Variants in SMC1B observed in about 807,000 individuals in gnomAD.
SMC1B encodes the protein structural maintenance of chromosomes protein 1B.
In SMC1B, 60 loss-of-function variants were observed where a neutral mutation model predicts 157.9. That is an observed-to-expected ratio of 0.38 (90% confidence interval 0.31 to 0.47). The LOEUF is 0.47. Ranked by LOEUF, SMC1B falls within the 20% of genes least tolerant of loss-of-function variation. SMC1B has a pLI of 0.99. For synonymous variants in SMC1B, 445 were observed against 483.0 expected (o/e 0.92, Z 1.03); for missense variants, 1,165 against 1,426.2 (o/e 0.82, Z 2.95).
intron 11 of SMC1B, among the ~76,000 whole-genome samples, 167 bp downstream of exon 11, chr22:45,386,700 T>C (rs2086993072): frequency 2.6e-5 from 4 of 152,194 alleles, no homozygotes; most frequent in Admixed American, 2.6e-4. Context: ...CAACAGAACA[T>C]TATAAAAACC....
At position 45,371,511 on chromosome 22, in the gene SMC1B, C is replaced by T. The variant is rs9614653; in HGVS notation, c.2273G>A (p.Arg758Gln). The T allele has an allele frequency of 0.12, 196,475 of 1,591,606 alleles. 14,639 individuals are homozygous for T. Among genetic ancestry groups the T allele is most frequent in the East Asian group, 0.31 (13,505 of 43,856 alleles). The change falls in exon 14 of 25, where the codon CGA becomes CAA. Residue 758 changes from arginine (R) to glutamine (Q), a missense_variant. Physicochemically the swap from Arg to Gln is conservative, Grantham distance 43 (BLOSUM62 1). Coordinates refer to ENST00000357450, the MANE Select transcript of SMC1B (RefSeq NM_148674.5). ...CIMLSEGIKE[R>Q]QRRIKEFQEK... ...TTGAAATTCTTTAATTCTTCGTTGT[C>T]GTTCCTTGATTCCTTCACTCAACAT...
chr22:45,386,779 T>G, intron 11 of SMC1B, 88 bp downstream of exon 11: 1 of 1,186,362 alleles, frequency 8.4e-7, no homozygotes, highest in Non-Finnish European at 1.2e-6. Flanking sequence ...AAAACGCATA[T>G]GTAAATATTT....
intron 9 of SMC1B, 126 bp from the exon 10 acceptor site, chr22:45,390,023 T>G (rs2087039599): frequency 1.4e-6 from 1 of 728,398 alleles, no homozygotes; most frequent in Non-Finnish European, 2.2e-6. Flanking sequence ...TACATCATAA[T>G]TAATAGAGTT....
At chr22:45,395,429 C>T (rs1434466095) in intron 7 of SMC1B, among the ~76,000 whole-genome samples, 1 of 152,228 alleles carries the variant, frequency 6.6e-6, no homozygotes, top group Non-Finnish European at 1.5e-5. Flanking sequence ...ATTCAACCAA[C>T]ACTTATTGAC....
chr22:45,389,982 C>T (rs1389244377), intron 9 of SMC1B, 85 bp from the exon 10 acceptor site: 18 of 1,164,652 alleles, frequency 1.5e-5, no homozygotes, highest in African/African-American at 3.1e-5. Flanking sequence ...AACAAAGTAG[C>T]GCAGACAAAA....
intron 1 of SMC1B, among the ~76,000 whole-genome samples, chr22:45,410,176 G>A (rs1423664951): frequency 6.6e-6 from 1 of 152,162 alleles, no homozygotes; most frequent in Non-Finnish European, 1.5e-5. Context: ...TTTTTTCACT[G>A]TAATAAATAA....
intron 1 of SMC1B, among the ~76,000 whole-genome samples, chr22:45,413,194 T>C (rs1407088269): frequency 6.8e-6 from 1 of 146,306 alleles, no homozygotes; most frequent in Non-Finnish European, 1.5e-5. Flanking sequence ...CGGGGCCGAG[T>C]GGAAGGGTCA....
Position 45,361,831 on chromosome 22 carries a change from T to C in SMC1B, c.2708+8A>G. ...CTAGGTCTTTCAAACTGATGAAGTC[T>C]TAATTACCTATCAACAGCCAGAAAC... On this transcript the variant is annotated splice_region_variant and intron_variant, in intron 17 of 24. Coordinates refer to ENST00000357450, the MANE Select transcript of SMC1B (RefSeq NM_148674.5). The C allele has an allele frequency of 6.2e-7, 1 of 1,613,194 alleles. No homozygotes were observed. Among genetic ancestry groups the C allele is most frequent in the Non-Finnish European group, 8.5e-7 (1 of 1,179,624 alleles).
chr22:45,349,348 T>G (rs9614460), intron 23 of SMC1B, among the ~76,000 whole-genome samples: 71,663 of 149,662 alleles, frequency 0.48, 20,313 homozygotes, highest in African/African-American at 0.8. Context: ...TTTTGTTTTG[T>G]TTTTTTGAGA....
At position 45,358,799 on chromosome 22, in the gene SMC1B, A is replaced by T; in HGVS notation, c.2863-4T>A. On this transcript the variant is annotated splice_region_variant and splice_polypyrimidine_tract_variant and intron_variant, in intron 18 of 24. Coordinates refer to ENST00000357450, the MANE Select transcript of SMC1B (RefSeq NM_148674.5). ...TACTTTCTGCTTCAGTTCCCATCTGAAAAATATGTGAACACATACATTTGT... is the reference window on the plus strand; with the variant it reads ...TACTTTCTGCTTCAGTTCCCATCTGTAAAATATGTGAACACATACATTTGT... 6.2e-7 allele frequency: 1 copy of T among 1,602,122 alleles called. No homozygotes were observed. The highest frequency in any genetic ancestry group is 8.5e-7 in the Non-Finnish European group (1 of 1,170,584).
intron 12 of SMC1B, among the ~76,000 whole-genome samples, chr22:45,379,723 C>CTTTTTTTTTTTTTTTTTTTT (rs136583): frequency 3.3e-5 from 3 of 91,478 alleles, no homozygotes; most frequent in African/African-American, 4.5e-5. Context: ...TTTCTTTTTA[C>CTTTTTTTTTTTTTTTTTTTT]TTTTTTTTTT....
chr22:45,389,733 G>C lies in SMC1B; in HGVS notation c.1710C>G (p.Phe570Leu). 6.2e-7 allele frequency: 1 copy of C among 1,613,912 alleles called. No homozygotes were observed. The highest frequency in any genetic ancestry group is 1.3e-5 in the African/African-American group (1 of 75,036). The stretch of plus-strand genomic sequence containing the variant: ...TTACATCAAGGTAATCTAGAGCGAG[G>C]AATGTCTCAGGTTCAGCTCTTTCCT... ...LKEERAEPET[F>L]LALDYLDIKP... The change falls in exon 10 of 25, where the codon TTC (phenylalanine) becomes TTG (leucine). Residue 570 changes from phenylalanine to leucine, a missense_variant. By Grantham distance (22) the Phe-to-Leu change is conservative. Coordinates refer to ENST00000357450, the MANE Select transcript of SMC1B (RefSeq NM_148674.5).
intron 10 of SMC1B, among the ~76,000 whole-genome samples, chr22:45,389,004 A>AAAAG (rs59142345): frequency 7.0e-6 from 1 of 142,564 alleles, no homozygotes; most frequent in Non-Finnish European, 1.5e-5. Flanking sequence ...AAAAAAAAAA[A>AAAAG]GAAAAAGAAA....
intron 12 of SMC1B, among the ~76,000 whole-genome samples, chr22:45,375,763 C>T (rs991816143): frequency 2.8e-4 from 42 of 152,020 alleles, no homozygotes; most frequent in African/African-American, 9.7e-4. Flanking sequence ...CTTAAACACC[C>T]TTGTATTTGT....
chr22:45,392,211 A>G (rs4627699), intron 9 of SMC1B, among the ~76,000 whole-genome samples: 8,339 of 152,152 alleles, frequency 0.055, 624 homozygotes, highest in African/African-American at 0.17. Flanking sequence ...GGCCTCCCAA[A>G]GCGCTGGGAT....
chr22:45,401,057 T>A (rs1046436890), intron 5 of SMC1B, among the ~76,000 whole-genome samples: 1 of 152,176 alleles, frequency 6.6e-6, no homozygotes, highest in Admixed American at 6.5e-5. Flanking sequence ...TTCTGGATCA[T>A]AAAAAGGACA....
chr22:45,359,828 G>A lies in SMC1B; in HGVS notation c.2839C>T (p.Leu947=). 2.5e-6 allele frequency: 4 copies of A among 1,613,564 alleles called. No individual in the cohort carries two copies. The highest frequency in any genetic ancestry group is 3.4e-6 in the Non-Finnish European group (4 of 1,179,706). ...DIEIILLSGS[L]DDIIEVEMGT... The stretch of plus-strand genomic sequence containing the variant: ...ACCTCCACTTCAATGATGTCATCCA[G>A]TGACCCCGACAAAAGGATTATCTCA... Residue 947 remains leucine (L), a synonymous_variant, in exon 18 of 25, where the codon CTG becomes TTG. Transcript: ENST00000357450.
At chr22:45,360,193 T>A (rs2086707990) in intron 17 of SMC1B, among the ~76,000 whole-genome samples, 1 of 152,216 alleles carries the variant, frequency 6.6e-6, no homozygotes. Context: ...ATGTTACTGA[T>A]TTAATCAGGG....
chr22:45,361,702 G>C, intron 17 of SMC1B, 137 bp downstream of exon 17: 1 of 818,674 alleles, frequency 1.2e-6, no homozygotes, highest in Non-Finnish European at 2.0e-6. Context: ...AAATTACAAT[G>C]TTTGAAGGGT....
Sources: allele counts gnomAD v4.1 joint callset (sites outside exome capture counted in the v4.1 genomes callset), GRCh38; gene constraint gnomAD v4.1.1; transcripts MANE v1.5; gene names NCBI Gene and HGNC (gene_info 2026-07-23, HGNC 2026-07-21).